KCNMA1: variants seen among roughly 807,000 people sequenced by gnomAD.
The protein encoded by KCNMA1 is Calcium-activated potassium channel subunit alpha-1.
Under a neutral mutation model 140.0 loss-of-function variants are expected in KCNMA1, and 29 were observed. The ratio of observed to expected loss-of-function variants is 0.21; its 90% CI spans 0.15 to 0.28. The LOEUF (loss-of-function observed/expected upper bound fraction) is 0.28, where lower values mean the gene tolerates loss of function less well. KCNMA1 is among the 10% of genes least tolerant of loss of function. The pLI is 1.00. For synonymous variants in KCNMA1, 612 were observed against 611.9 expected, an observed-to-expected ratio of 1.00 and a Z score of 0.00; for missense variants, 880 against 1,602.2, an observed-to-expected ratio of 0.55 and a Z score of 7.70.
At chr10:76,882,473 C>A (rs930454663), downstream of KCNMA1, among the ~76,000 whole-genome samples, 4 of 152,160 alleles carry the variant, frequency 2.6e-5, no homozygotes, top group African/African-American at 9.7e-5. Flanking sequence ...GCCCAGCAAA[C>A]CCTGATGCCT....
chr10:77,013,070 C>T (rs1278837553), intron 17 of KCNMA1, among the ~76,000 whole-genome samples: 1 of 152,198 alleles, frequency 6.6e-6, no homozygotes, highest in East Asian at 1.9e-4. Flanking sequence ...AAACTGAATG[C>T]CAGCTATGAA....
chr10:77,486,673 T>G (rs1455450473), intron 1 of KCNMA1, among the ~76,000 whole-genome samples: 1 of 152,238 alleles, frequency 6.6e-6, no homozygotes, highest in Non-Finnish European at 1.5e-5. Flanking sequence ...TCTGCTTCTA[T>G]CTGTCACTCC....
chr10:77,431,681 TAAAAAAAAAA>T (rs71028276), intron 1 of KCNMA1, among the ~76,000 whole-genome samples: 34 of 75,452 alleles, frequency 4.5e-4, no homozygotes, highest in African/African-American at 1.1e-3. Context: ...TGGTCTGTTG[TAAAAAAAAAA>T]AAAAAAAAAA....
At chr10:76,916,272 G>T (rs1443206002) in intron 23 of KCNMA1, among the ~76,000 whole-genome samples, 1 of 152,090 alleles carries the variant, frequency 6.6e-6, no homozygotes, top group Non-Finnish European at 1.5e-5. Flanking sequence ...AGCCTGCTTG[G>T]TCTCTGATTT....
At chr10:76,900,896 TAAAA>T (rs5786248) in intron 25 of KCNMA1, among the ~76,000 whole-genome samples, 1 of 146,230 alleles carries the variant, frequency 6.8e-6, no homozygotes, top group African/African-American at 2.5e-5. Flanking sequence ...CCCTATTTGT[TAAAA>T]AAAAAAAAAA....
intron 6 of KCNMA1, among the ~76,000 whole-genome samples, chr10:77,116,568 G>A (rs762556244): frequency 9.9e-5 from 15 of 151,790 alleles, no homozygotes; most frequent in South Asian, 2.1e-4. Context: ...TCTCTTTGCT[G>A]GACAGATGTA....
chr10:77,231,278 C>T (rs2053492860), intron 3 of KCNMA1, among the ~76,000 whole-genome samples: 2 of 152,158 alleles, frequency 1.3e-5, no homozygotes, highest in South Asian at 4.1e-4. Context: ...TTCCACTGAA[C>T]AAATTGAGTA....
intron 1 of KCNMA1, among the ~76,000 whole-genome samples, chr10:77,528,311 C>A (rs1320488666): frequency 2.0e-5 from 3 of 152,118 alleles, no homozygotes; most frequent in South Asian, 2.1e-4. Context: ...TAGGCATATA[C>A]CCCAAATCAA....
At chr10:77,370,731 AG>A (rs2094640461) in intron 2 of KCNMA1, among the ~76,000 whole-genome samples, 1 of 152,190 alleles carries the variant, frequency 6.6e-6, no homozygotes, top group Non-Finnish European at 1.5e-5. Context: ...GGAGAGACTC[AG>A]CATAGGCCAG....
At chr10:77,025,765 T>C (rs2093390292) in intron 16 of KCNMA1, among the ~76,000 whole-genome samples, 1 of 152,056 alleles carries the variant, frequency 6.6e-6, no homozygotes, top group African/African-American at 2.4e-5. Context: ...AAAATTATTA[T>C]CTCAGGGAAG....
chr10:77,585,162 C>T (rs956875510), intron 1 of KCNMA1, among the ~76,000 whole-genome samples: 1 of 152,236 alleles, frequency 6.6e-6, no homozygotes, highest in Non-Finnish European at 1.5e-5. Context: ...GACGAAAACA[C>T]ATGCCTGCTC....
intron 24 of KCNMA1, chr10:76,914,236 AAGGGACCCCGGACCAC>A: frequency 1.1e-6 from 1 of 889,732 alleles, no homozygotes; most frequent in Non-Finnish European, 1.8e-6. Flanking sequence ...TTCTCAAGTA[AAGGGACCCCGGACCAC>A]AGGTAGTTTG....
chr10:77,055,935 T>C (rs2095526498), intron 14 of KCNMA1, among the ~76,000 whole-genome samples: 2 of 152,332 alleles, frequency 1.3e-5, no homozygotes, highest in Admixed American at 1.3e-4. Context: ...ACACAGCACA[T>C]TTAGATTCTA....
At chr10:77,454,624 A>T (rs975948804) in intron 1 of KCNMA1, among the ~76,000 whole-genome samples, 1 of 152,300 alleles carries the variant, frequency 6.6e-6, no homozygotes, top group South Asian at 2.1e-4. Context: ...TGTCTGTTAA[A>T]CCTAGAGTTG....
intron 1 of KCNMA1, among the ~76,000 whole-genome samples, chr10:77,626,041 T>C (rs1165456706): frequency 6.6e-6 from 1 of 151,704 alleles, no homozygotes; most frequent in Admixed American, 6.6e-5. Context: ...TTTTTTACAG[T>C]AGCCATCCTA....
At chr10:77,528,774 A>C (rs2056725982) in intron 1 of KCNMA1, among the ~76,000 whole-genome samples, 1 of 152,210 alleles carries the variant, frequency 6.6e-6, no homozygotes, top group Non-Finnish European at 1.5e-5. Context: ...AAAGGAACGG[A>C]GTACTGCTGC....
At chr10:77,469,357 A>T (rs1250436122) in intron 1 of KCNMA1, among the ~76,000 whole-genome samples, 1 of 152,224 alleles carries the variant, frequency 6.6e-6, no homozygotes, top group African/African-American at 2.4e-5. Flanking sequence ...GGTGAAGAGC[A>T]GACACCACTC....
At chr10:77,052,816 T>G (rs2095417363) in intron 14 of KCNMA1, among the ~76,000 whole-genome samples, 2 of 152,052 alleles carry the variant, frequency 1.3e-5, no homozygotes, top group Admixed American at 1.3e-4. Context: ...AGTTTTGCAG[T>G]CAAGCAGACC....
chr10:77,483,394 C>T (rs957442981), intron 1 of KCNMA1, among the ~76,000 whole-genome samples: 1 of 152,174 alleles, frequency 6.6e-6, no homozygotes, highest in Non-Finnish European at 1.5e-5. Context: ...CCTGAGGAGC[C>T]GGGGTGGTGA....
Sources: gnomAD v4.1 joint callset for allele counts (sites outside exome capture counted in the v4.1 genomes callset) on GRCh38, gnomAD v4.1.1 for gene constraint, MANE v1.5 for transcripts, NCBI Gene and HGNC (gene_info 2026-07-23, HGNC 2026-07-21) for gene names.